Variants in CLIP1 observed in about 807,000 individuals in gnomAD.
CLIP1 encodes CAP-Gly domain-containing linker protein 1.
In CLIP1, 66 loss-of-function variants were observed where a neutral mutation model predicts 161.6. The ratio of observed to expected loss-of-function variants is 0.41; its 90% CI spans 0.33 to 0.50. The LOEUF (loss-of-function observed/expected upper bound fraction) is 0.50, where lower values mean the gene tolerates loss of function less well. CLIP1 is among the 20% of genes least tolerant of loss of function. CLIP1 has a pLI of 0.27. For synonymous variants in CLIP1, 598 were observed against 626.2 expected (o/e 0.96, Z 0.67); for missense variants, 1,376 against 1,702.0 (o/e 0.81, Z 3.37).
At position 122,309,888 on chromosome 12, in the gene CLIP1, A is replaced by G; in HGVS notation, c.3474-6T>C. Reference sequence around the variant, plus strand: ...CTGCCTGCTTTAGGGTTTCTCTGCAAGGACAGTGAGTGCAGGGTTACCATA... The same window carrying G: ...CTGCCTGCTTTAGGGTTTCTCTGCAGGGACAGTGAGTGCAGGGTTACCATA... On this transcript the variant is annotated splice_region_variant and splice_polypyrimidine_tract_variant and intron_variant, in intron 19 of 25. Transcript: ENST00000620786. 6.2e-7 allele frequency: 1 copy of G among 1,613,818 alleles called. No individual in the cohort carries two copies. Among genetic ancestry groups the G allele is most frequent in the African/African-American group, 1.3e-5 (1 of 75,068 alleles).
At chr12:122,343,607 G>C (rs1159498450) in intron 10 of CLIP1, 1 of 152,158 alleles carries the variant, frequency 6.6e-6, no homozygotes, top group East Asian at 1.9e-4. Context: ...GTACGCACAT[G>C]AATCACCTGG....
chr12:122,352,845 A>C, intron 7 of CLIP1, 59 bp from the exon 8 acceptor site: 1 of 1,433,840 alleles, frequency 7.0e-7, no homozygotes, highest in Non-Finnish European at 9.8e-7. Flanking sequence ...AGCCTTTAAA[A>C]AAACAAAACA....
At chr12:122,403,204 T>A (rs978777051) in intron 1 of CLIP1, among the ~76,000 whole-genome samples, 1 of 152,188 alleles carries the variant, frequency 6.6e-6, no homozygotes, top group African/African-American at 2.4e-5. Context: ...TAATTGTTCT[T>A]AGCATAGAAA....
intron 20 of CLIP1, among the ~76,000 whole-genome samples, chr12:122,308,905 C>G (rs1950971931): frequency 6.6e-6 from 1 of 152,238 alleles, no homozygotes; most frequent in Non-Finnish European, 1.5e-5. Flanking sequence ...CTACCCCAAA[C>G]TAATCCATCC....
chr12:122,347,015 T>C (rs1952783496), intron 10 of CLIP1, among the ~76,000 whole-genome samples: 1 of 152,152 alleles, frequency 6.6e-6, no homozygotes, highest in Admixed American at 6.5e-5. Context: ...GCCTAGTAAC[T>C]AGATATTTGA....
In CLIP1 at chr12:122,279,534, C is replaced by G. The variant is rs572182046; in HGVS notation, c.3648-389G>C. ...TGAATAAATTATTACCAAGCAATAA[C>G]GACAATTAAAATACACACATGCAAA... On this transcript the variant is annotated intron_variant, in intron 21 of 25. Transcript: ENST00000620786. The surrounding 1 kb of genome is among the most constrained non-coding windows in gnomAD (Gnocchi z 4.5). 1 of 153,084 alleles carries G rather than the reference C, an allele frequency of 6.5e-6. No individual in the cohort carries two copies. Among genetic ancestry groups the G allele is most frequent in the South Asian group, 2.1e-4 (1 of 4,862 alleles). 9.5% of individuals were successfully genotyped at this position (153,084 alleles called of 1,614,324 possible). A position where few individuals can be genotyped will look rare whatever the true frequency, so the allele number is the denominator to read the frequency against.
chr12:122,377,366 C>T (rs1954790491), intron 3 of CLIP1, 23 bp downstream of exon 3: 1 of 1,586,822 alleles, frequency 6.3e-7, no homozygotes, highest in Non-Finnish European at 8.6e-7. Flanking sequence ...AATGAAATGA[C>T]CTCAGAATGT....
chr12:122,339,339 T>G (rs750529462), intron 11 of CLIP1, among the ~76,000 whole-genome samples: 60 of 85,184 alleles, frequency 7.0e-4, no homozygotes, highest in South Asian at 2.6e-3. Flanking sequence ...ACAGCATGGG[T>G]TTTTTTTTGT....
chr12:122,344,520 G>T (rs1039517810), intron 10 of CLIP1, among the ~76,000 whole-genome samples: 1 of 151,798 alleles, frequency 6.6e-6, no homozygotes, highest in Non-Finnish European at 1.5e-5. Context: ...ATAGGGCAAT[G>T]GTTCTTAGTT....
intron 1 of CLIP1, among the ~76,000 whole-genome samples, chr12:122,414,541 T>C (rs1014315337): frequency 6.6e-6 from 1 of 151,908 alleles, no homozygotes; most frequent in African/African-American, 2.4e-5. Flanking sequence ...CTCAGCTCAC[T>C]GCAACCTCCA....
At chr12:122,401,058 C>T (rs1370681539) in intron 1 of CLIP1, among the ~76,000 whole-genome samples, 3 of 152,022 alleles carry the variant, frequency 2.0e-5, no homozygotes, top group Non-Finnish European at 2.9e-5. Flanking sequence ...ATTACAGGCA[C>T]GTGCCACCAT....
chr12:122,326,151 G>C (rs994725185), intron 17 of CLIP1, among the ~76,000 whole-genome samples: 1 of 152,196 alleles, frequency 6.6e-6, no homozygotes, highest in South Asian at 2.1e-4. Context: ...GACTGATTAC[G>C]ATCCACTGAA....
chr12:122,414,857 G>A (rs1366494587), intron 1 of CLIP1, among the ~76,000 whole-genome samples: 1 of 152,006 alleles, frequency 6.6e-6, no homozygotes, highest in Non-Finnish European at 1.5e-5. Flanking sequence ...GATTCTTTGA[G>A]TTCCGCCTAT....
chr12:122,285,227 CCT>C (rs1491176157), intron 21 of CLIP1, among the ~76,000 whole-genome samples: 262 of 127,190 alleles, frequency 2.1e-3, no homozygotes, highest in African/African-American at 8.5e-3. Flanking sequence ...AGATACCAGT[CCT>C]TTTTTTTTTT....
intron 20 of CLIP1, among the ~76,000 whole-genome samples, chr12:122,295,466 A>G (rs1950430523): frequency 6.6e-6 from 1 of 152,250 alleles, no homozygotes; most frequent in African/African-American, 2.4e-5. Flanking sequence ...TACTGTGGTA[A>G]GGGAAAATAG....
intron 11 of CLIP1, among the ~76,000 whole-genome samples, 166 bp downstream of exon 11, chr12:122,340,587 C>G (rs568427709): frequency 6.6e-6 from 1 of 152,262 alleles, no homozygotes; most frequent in South Asian, 2.1e-4. Flanking sequence ...CAGATGAAAC[C>G]ATACTTGAGA....
chr12:122,273,040 G>C lies in CLIP1; in HGVS notation c.4152C>G (p.Cys1384Trp), dbSNP rs749871623. The change falls in exon 26 of 26, where the codon TGC (cysteine) becomes TGG (tryptophan). Residue 1384 changes from cysteine (C) to tryptophan (W), a missense_variant. Physicochemically the swap from Cys to Trp is radical, Grantham distance 215 (BLOSUM62 -2). Around this residue, in one of 6 missense-constraint regions of CLIP1, gnomAD observed 948 missense variants for 1,134.8 expected, o/e 0.84. Transcript: ENST00000620786. ...KPRLFCDICD[C>W]FDLHDTEDCP... ...AATCCTCTGTGTCGTGGAGATCAAA[G>C]CAGTCACAAATGTCACAGAAGAGGC... 1.9e-6 allele frequency: 3 copies of C among 1,614,178 alleles called. No homozygotes were observed. The South Asian group carries it at 3.3e-5, about 18-fold the overall frequency.
chr12:122,347,892 G>C (rs889232475), intron 9 of CLIP1, among the ~76,000 whole-genome samples: 3 of 152,086 alleles, frequency 2.0e-5, no homozygotes, highest in Non-Finnish European at 4.4e-5. Context: ...TAACTGACTC[G>C]ATAACTTCAC....
At chr12:122,324,970 T>C (rs371243470) in intron 17 of CLIP1, among the ~76,000 whole-genome samples, 4 of 148,372 alleles carry the variant, frequency 2.7e-5, no homozygotes, top group Admixed American at 2.7e-4. Flanking sequence ...AAGGAATAGT[T>C]TTTTTTTTTT....
Sources: gnomAD v4.1 joint callset for allele counts (sites outside exome capture counted in the v4.1 genomes callset) on GRCh38, gnomAD v4.1.1 for gene constraint, gnomAD v4.1.1 regional missense constraint, Gnocchi (gnomAD v3.1) non-coding constraint, MANE v1.5 for transcripts, NCBI Gene and HGNC (gene_info 2026-07-23, HGNC 2026-07-21) for gene names.